Variants in RNF144A observed in about 807,000 individuals in gnomAD.
RNF144A encodes ring finger protein 144A.
In RNF144A, 11 loss-of-function variants were observed where a neutral mutation model predicts 38.7. That is an observed-to-expected ratio of 0.28 (90% CI 0.18 to 0.47). The LOEUF (loss-of-function observed/expected upper bound fraction) is 0.47, where lower values mean the gene tolerates loss of function less well. RNF144A is among the 20% of genes least tolerant of loss of function. The probability of loss-of-function intolerance (pLI) is 0.99; values close to 1 mark genes in which losing one functional copy is unlikely to be tolerated. For missense variants in RNF144A, 316 were observed against 377.2 expected (o/e 0.84, Z 1.34); for synonymous variants, 149 against 143.9 (o/e 1.04, Z -0.25).
chr2:6,988,198 A>G (rs11689450), intron 2 of RNF144A, among the ~76,000 whole-genome samples: 36,494 of 152,214 alleles, frequency 0.24, 5,536 homozygotes, highest in Non-Finnish European at 0.34. Context: ...TGACGCAGGT[A>G]GTACAGAGAG....
rs1247083271 is a variant in RNF144A at position 6,941,168 on chromosome 2, T to C, written c.-12+21T>C. 6.6e-6 allele frequency: 1 copy of C among 152,186 alleles called. No individual in the cohort carries two copies. Among genetic ancestry groups the C allele is most frequent in the Non-Finnish European group, 1.5e-5 (1 of 68,052 alleles). The allele number at this position is 152,186 out of a possible 1,614,324, so 9.4% of individuals were successfully genotyped here. A position where few individuals can be genotyped will look rare whatever the true frequency, so the allele number is the denominator to read the frequency against. ...CAGAGGTAACTTTGAATTCGGAAAA[T>C]GAAGGCTTCCCAACGTTCATTGATC... On this transcript the variant is annotated intron_variant, in intron 2 of 8. Coordinates refer to ENST00000320892, the MANE Select transcript of RNF144A (RefSeq NM_014746.6). This position sits in a 1 kb window ranked among gnomAD's most constrained non-coding sequence, Gnocchi z 6.5.
chr2:7,054,379 G>A (rs929010650), intron 6 of RNF144A, among the ~76,000 whole-genome samples: 1 of 152,094 alleles, frequency 6.6e-6, no homozygotes, highest in Non-Finnish European at 1.5e-5. Flanking sequence ...TATAATCATA[G>A]GAGTGACATC....
chr2:7,062,780 T>A (rs1267914926), intron 6 of RNF144A: 1 of 152,208 alleles, frequency 6.6e-6, no homozygotes, highest in Non-Finnish European at 1.5e-5. Flanking sequence ...ACTGGCTGAT[T>A]GATCCTTAAT....
At chr2:6,961,004 A>T (rs1321191790) in intron 2 of RNF144A, among the ~76,000 whole-genome samples, 1 of 152,072 alleles carries the variant, frequency 6.6e-6, no homozygotes, top group Admixed American at 6.5e-5. Context: ...TAGTGAAGAA[A>T]GCTTTCAGAA....
At chr2:7,075,180 T>A in the RNF144A span, among the ~76,000 whole-genome samples, 1 of 152,060 alleles carries the variant, frequency 6.6e-6, no homozygotes, top group Non-Finnish European at 1.5e-5. Context: ...ACATCTTTCC[T>A]CTTCTACCCC....
chr2:7,062,451 T>C (rs1212596064), intron 6 of RNF144A, among the ~76,000 whole-genome samples: 4 of 140,356 alleles, frequency 2.8e-5, no homozygotes, highest in Non-Finnish European at 6.0e-5. Flanking sequence ...ATAACGGAGG[T>C]CATGTAATCA....
chr2:7,006,562 C>T (rs1197165476), intron 3 of RNF144A, among the ~76,000 whole-genome samples: 1 of 152,026 alleles, frequency 6.6e-6, no homozygotes, highest in East Asian at 1.9e-4. Flanking sequence ...GGCCCCGCTA[C>T]CCCAACCCTT....
intron 7 of RNF144A, among the ~76,000 whole-genome samples, chr2:7,029,899 G>A (rs1387156833): frequency 3.9e-5 from 6 of 152,240 alleles, no homozygotes; most frequent in Non-Finnish European, 7.3e-5. Context: ...GCCCGAGGCT[G>A]TGCTGTCCAG....
chr2:6,938,899 A>G (rs1235203416), intron 1 of RNF144A, among the ~76,000 whole-genome samples: 1 of 152,094 alleles, frequency 6.6e-6, no homozygotes, highest in African/African-American at 2.4e-5. Flanking sequence ...CCCATGCTGT[A>G]GCATGAATCA....
chr2:6,977,318 C>T (rs1214931037), intron 2 of RNF144A, among the ~76,000 whole-genome samples: 2 of 152,182 alleles, frequency 1.3e-5, no homozygotes, highest in East Asian at 3.9e-4. Context: ...CTCCTTGTTC[C>T]CAGGAAGGGA....
chr2:6,968,984 A>G (rs1189129381), intron 2 of RNF144A, among the ~76,000 whole-genome samples: 2 of 152,202 alleles, frequency 1.3e-5, no homozygotes, highest in East Asian at 3.9e-4. Context: ...ATGTGGTCTC[A>G]GGGTGCACCC....
At chr2:6,989,712 A>G (rs973875222) in intron 2 of RNF144A, among the ~76,000 whole-genome samples, 4 of 151,908 alleles carry the variant, frequency 2.6e-5, no homozygotes, top group African/African-American at 9.7e-5. Context: ...GAATAGTTTT[A>G]TTGCCCTGAA....
At position 7,039,809 on chromosome 2, in the gene RNF144A, T is replaced by TC. The variant is rs1558456794; in HGVS notation, c.*54dup. 6.2e-7 allele frequency: 1 copy of TC among 1,602,776 alleles called. No individual in the cohort carries two copies. The highest frequency in any genetic ancestry group is 8.5e-7 in the Non-Finnish European group (1 of 1,173,746). On this transcript the variant is annotated 3_prime_UTR_variant, in exon 9 of 9. Coordinates refer to ENST00000320892, the MANE Select transcript of RNF144A (RefSeq NM_014746.6). ...TCCCTGCCTCCGGGAAGTGTGGCTC[T>TC]CCCCCAACCCTCCCCACCGTCCCCC...
intron 2 of RNF144A, among the ~76,000 whole-genome samples, chr2:6,981,195 C>T (rs911618025): frequency 3.3e-5 from 5 of 152,178 alleles, no homozygotes; most frequent in African/African-American, 1.2e-4. Context: ...ACATTTTCCC[C>T]CATTGTCTTA....
rs181879792 is a variant in RNF144A, at chr2:6,941,696, C to T, written c.-12+549C>T. On this transcript the variant is annotated intron_variant, in intron 2 of 8. Coordinates refer to ENST00000320892, the MANE Select transcript of RNF144A (RefSeq NM_014746.6). The surrounding 1 kb of genome is among the most constrained non-coding windows in gnomAD (Gnocchi z 6.5). ...AAAAAGTAGACCATGTCTAGTACGACGGGGCAGGTTGCAGTTTTAAGTGGA... is the reference window on the plus strand; with the variant it reads ...AAAAAGTAGACCATGTCTAGTACGATGGGGCAGGTTGCAGTTTTAAGTGGA... Among the ~76,000 whole-genome samples the T allele has an allele frequency of 1.6e-4, 24 of 152,368 alleles. No individual in the cohort carries two copies. Among genetic ancestry groups the T allele is most frequent in the Admixed American group, 9.8e-4 (15 of 15,310 alleles).
chr2:7,015,583 G>GGA (rs1258071368), intron 5 of RNF144A, among the ~76,000 whole-genome samples: 1 of 152,226 alleles, frequency 6.6e-6, no homozygotes, highest in African/African-American at 2.4e-5. Context: ...GGAATGTCCA[G>GGA]GAGAGGTCTT....
At chr2:7,059,899 G>C (rs539993544) in intron 6 of RNF144A, among the ~76,000 whole-genome samples, 1 of 152,214 alleles carries the variant, frequency 6.6e-6, no homozygotes, top group Admixed American at 6.5e-5. Context: ...TTGAGTAAAA[G>C]TGGCGCTGCA....
chr2:7,017,202 A>C (rs1252105085), intron 5 of RNF144A, among the ~76,000 whole-genome samples: 1 of 152,094 alleles, frequency 6.6e-6, no homozygotes, highest in African/African-American at 2.4e-5. Context: ...CTGGAGGCTC[A>C]GCCCTCCCAG....
downstream of RNF144A, among the ~76,000 whole-genome samples, chr2:7,070,404 A>G (rs1168167847): frequency 1.3e-5 from 2 of 152,128 alleles, no homozygotes; most frequent in Non-Finnish European, 2.9e-5. Context: ...AGCTTTTTGT[A>G]TAAAGAACAG....
Sources: allele counts gnomAD v4.1 joint callset (sites outside exome capture counted in the v4.1 genomes callset), GRCh38; gene constraint gnomAD v4.1.1; non-coding constraint Gnocchi (gnomAD v3.1); transcripts MANE v1.5; gene names NCBI Gene and HGNC (gene_info 2026-07-23, HGNC 2026-07-21).